The following EYA2 variants were observed in gnomAD, a reference collection of about 807,000 sequenced individuals.
The protein encoded by EYA2 is protein phosphatase EYA2.
In EYA2, 31 loss-of-function variants were observed where a neutral mutation model predicts 69.2. The ratio of observed to expected loss-of-function variants is 0.45; its 90% CI spans 0.34 to 0.60. The LOEUF is 0.60. Among genes scored for constraint, EYA2 ranks in the 20% least tolerant of loss-of-function variants. The pLI, the probability that EYA2 is intolerant of heterozygous loss-of-function variation, is 0.02. For synonymous variants in EYA2, 257 were observed against 279.4 expected (o/e 0.92, Z 0.80); for missense variants, 622 against 701.2 (o/e 0.89, Z 1.28).
intron 1 of EYA2, among the ~76,000 whole-genome samples, chr20:46,908,145 G>A (rs917832315): frequency 6.6e-6 from 1 of 152,174 alleles, no homozygotes; most frequent in Non-Finnish European, 1.5e-5. Context: ...CCTGCTGTGT[G>A]CCAGGCCCTA....
intron 5 of EYA2, among the ~76,000 whole-genome samples, chr20:47,050,147 C>T (rs1414649495): frequency 6.6e-6 from 1 of 152,194 alleles, no homozygotes; most frequent in Non-Finnish European, 1.5e-5. Flanking sequence ...ATCTGTCTGT[C>T]CCAATGGGGC....
intron 1 of EYA2, among the ~76,000 whole-genome samples, chr20:46,909,040 T>C (rs1372757164): frequency 1.2e-4 from 18 of 152,014 alleles, no homozygotes. Context: ...TATTATGTCT[T>C]TCTCAGGAGT....
intron 10 of EYA2, among the ~76,000 whole-genome samples, chr20:47,163,330 C>T (rs765467947): frequency 7.9e-5 from 12 of 152,130 alleles, no homozygotes; most frequent in South Asian, 2.1e-4. Context: ...CGCGCCCAGC[C>T]GGATGTATGA....
chr20:47,141,364 CT>C (rs959776632), intron 9 of EYA2, among the ~76,000 whole-genome samples: 24 of 152,272 alleles, frequency 1.6e-4, no homozygotes, highest in African/African-American at 4.6e-4. Context: ...ACCTGGGGAG[CT>C]TTAAACTTCT....
intron 9 of EYA2, among the ~76,000 whole-genome samples, chr20:47,104,048 C>T (rs1177673199): frequency 6.6e-6 from 1 of 152,184 alleles, no homozygotes; most frequent in African/African-American, 2.4e-5. Context: ...TATCATTTTA[C>T]CTTCCCATCA....
chr20:46,971,041 G>A (rs548407741), intron 1 of EYA2, among the ~76,000 whole-genome samples: 1 of 151,612 alleles, frequency 6.6e-6, no homozygotes, highest in South Asian at 2.1e-4. Flanking sequence ...ATGAGTCTGA[G>A]TATTTTTGCA....
chr20:46,914,899 T>G lies in EYA2; in HGVS notation c.-11+19912T>G, dbSNP rs902545598. Among the ~76,000 whole-genome samples the G allele has an allele frequency of 5.3e-5, 8 of 152,152 alleles. No homozygotes were observed. The South Asian group carries it at 1.2e-3, about 24-fold the overall frequency. ...TGTTTGAGAGAGGGAATTAGAAAGT[T>G]GGGTTCAGTTTTAGGCAAAAGCTGA... On this transcript the variant is annotated intron_variant, in intron 1 of 15. Transcript: ENST00000327619.
At chr20:47,175,451 G>C (rs1173346609) in intron 12 of EYA2, among the ~76,000 whole-genome samples, 1 of 152,120 alleles carries the variant, frequency 6.6e-6, no homozygotes, top group African/African-American at 2.4e-5. Flanking sequence ...TCCTCCTCGT[G>C]TGCAAAATGG....
At chr20:47,131,179 C>T (rs1181727638) in intron 9 of EYA2, among the ~76,000 whole-genome samples, 1 of 152,194 alleles carries the variant, frequency 6.6e-6, no homozygotes, top group East Asian at 1.9e-4. Context: ...TTTTTCACAA[C>T]GTGAGTGTTC....
intron 10 of EYA2, among the ~76,000 whole-genome samples, chr20:47,163,866 T>C (rs1468592498): frequency 6.6e-6 from 1 of 152,146 alleles, no homozygotes; most frequent in East Asian, 1.9e-4. Context: ...CAAGGCTCTT[T>C]GCAGGTGTTA....
In EYA2 at chr20:47,188,201, G is replaced by A. The variant is rs537767005; in HGVS notation, c.*68G>A. 1.2e-4 allele frequency: 177 copies of A among 1,429,396 alleles called. No individual in the cohort carries two copies. The South Asian group carries it at 1.9e-3, about 15-fold the overall frequency. The allele number at this position is 1,429,396 out of a possible 1,614,324, so 88.5% of individuals were successfully genotyped here. A position where few individuals can be genotyped will look rare whatever the true frequency, so the allele number is the denominator to read the frequency against. On this transcript the variant is annotated 3_prime_UTR_variant, in exon 16 of 16. Transcript: ENST00000327619. ...CCCTCGCCTTCCCCACCTCCCCACC[G>A]AGAACTCCAGAGACCCAGATGTTGG...
At chr20:47,094,812 T>C (rs1441573519) in intron 8 of EYA2, among the ~76,000 whole-genome samples, 2 of 152,184 alleles carry the variant, frequency 1.3e-5, no homozygotes, top group Non-Finnish European at 2.9e-5. Context: ...GAGGATTGCT[T>C]GCATTCAGGA....
At chr20:46,896,207 T>C (rs1048354698) in intron 1 of EYA2, among the ~76,000 whole-genome samples, 3 of 152,170 alleles carry the variant, frequency 2.0e-5, no homozygotes, top group Non-Finnish European at 2.9e-5. Flanking sequence ...GAATTATGTT[T>C]GAGTTAGGGA....
chr20:47,076,760 C>G (rs1279540987), intron 7 of EYA2, among the ~76,000 whole-genome samples: 1 of 152,202 alleles, frequency 6.6e-6, no homozygotes, highest in Non-Finnish European at 1.5e-5. Flanking sequence ...CTTAGTTTCT[C>G]TCTTCCTTCT....
At chr20:47,052,683 T>C (rs2030399484) in intron 5 of EYA2, among the ~76,000 whole-genome samples, 1 of 152,162 alleles carries the variant, frequency 6.6e-6, no homozygotes, top group Non-Finnish European at 1.5e-5. Context: ...AGTGCAGTGG[T>C]GTGATCACAG....
intron 1 of EYA2, chr20:46,901,590 T>G (rs1984112046): frequency 6.6e-6 from 1 of 152,176 alleles, no homozygotes; most frequent in African/African-American, 2.4e-5. Context: ...GTTATTTTCT[T>G]TTGTGGGTGT....
chr20:46,995,502 G>T (rs917306154), intron 2 of EYA2, among the ~76,000 whole-genome samples: 1 of 152,146 alleles, frequency 6.6e-6, no homozygotes, highest in African/African-American at 2.4e-5. Context: ...CCCACTTCTG[G>T]ATGCCTAGTG....
chr20:46,986,660 C>T (rs549769110), intron 1 of EYA2, among the ~76,000 whole-genome samples: 1 of 152,136 alleles, frequency 6.6e-6, no homozygotes, highest in Non-Finnish European at 1.5e-5. Context: ...TCTGGTGAGG[C>T]CTTGGGAAGC....
intron 12 of EYA2, among the ~76,000 whole-genome samples, chr20:47,175,204 G>C (rs58733120): frequency 0.12 from 18,095 of 152,294 alleles, 3,405 homozygotes; most frequent in African/African-American, 0.4. Flanking sequence ...GAACTAGCCA[G>C]GTGCATGGCC....
Sources: gnomAD v4.1 joint callset for allele counts (sites outside exome capture counted in the v4.1 genomes callset) on GRCh38, gnomAD v4.1.1 for gene constraint, MANE v1.5 for transcripts, NCBI Gene and HGNC (gene_info 2026-07-23, HGNC 2026-07-21) for gene names.